Variants in MDGA2 observed in about 807,000 individuals in gnomAD.
MDGA2 encodes the protein MAM domain containing glycosylphosphatidylinositol anchor 2.
MDGA2 carries 40 observed loss-of-function variants against 117.8 expected under a neutral mutation model. The observed-to-expected ratio is 0.34, with a 90% CI of 0.26 to 0.44. The LOEUF (loss-of-function observed/expected upper bound fraction) is 0.44. Among genes scored for constraint, MDGA2 ranks in the 20% least tolerant of loss-of-function variants. The probability of loss-of-function intolerance (pLI) is 1.00; values close to 1 mark genes in which losing one functional copy is unlikely to be tolerated. For missense variants in MDGA2, 1,123 were observed against 1,250.6 expected (o/e 0.90, Z 1.54); for synonymous variants, 452 against 439.0 (o/e 1.03, Z -0.37).
rs1377849396 is a variant in MDGA2 at position 47,119,186 on chromosome 14, C to CG, written c.925+12527_925+12528insC. 5.7e-5 allele frequency among the ~76,000 whole-genome samples: 4 copies of CG among 70,136 alleles called. 1 individual carries two copies. The highest frequency in any genetic ancestry group is 1.4e-4 in the Admixed American group (1 of 7,082). The allele number at this position is 70,136 out of a possible 152,430, so 46.0% of individuals were successfully genotyped here. On this transcript the variant is annotated intron_variant, in intron 5 of 16. Transcript: ENST00000399232. ...CTGCCTCAGCCCCGCCCCCCCCCCC[C>CG]CACCCCGTAGCTGGGACTACAGGCA...
intron 2 of MDGA2, among the ~76,000 whole-genome samples, chr14:47,256,832 G>A (rs1285748521): frequency 1.3e-5 from 2 of 148,212 alleles, no homozygotes; most frequent in African/African-American, 5.0e-5. Context: ...AAGGAAAGAA[G>A]GAAGGAAGGA....
chr14:47,073,559 G>A (rs8008131), intron 6 of MDGA2, among the ~76,000 whole-genome samples: 44,195 of 151,984 alleles, frequency 0.29, 7,383 homozygotes, highest in African/African-American at 0.46. Context: ...TCTGCCAAAG[G>A]TGCACAGATG....
intron 5 of MDGA2, among the ~76,000 whole-genome samples, chr14:47,123,982 GTT>G (rs1881777861): frequency 6.6e-6 from 1 of 152,054 alleles, no homozygotes; most frequent in African/African-American, 2.4e-5. Flanking sequence ...ATGCAAAAGA[GTT>G]ACAGGGAACA....
chr14:47,227,750 T>C (rs987502042), intron 2 of MDGA2, among the ~76,000 whole-genome samples: 4 of 152,118 alleles, frequency 2.6e-5, no homozygotes, highest in Non-Finnish European at 4.4e-5. Flanking sequence ...CACTCCACAA[T>C]GCACCCAAAG....
intron 1 of MDGA2, among the ~76,000 whole-genome samples, chr14:47,456,355 C>T (rs1449266593): frequency 6.8e-6 from 1 of 146,770 alleles, no homozygotes; most frequent in Admixed American, 7.0e-5. Flanking sequence ...TGCAATGGTG[C>T]CATCTCGACT....
rs555657080 is a variant in MDGA2 at position 47,133,107 on chromosome 14, T to TA, written c.793-1262dup. On this transcript the variant is annotated intron_variant, in intron 4 of 16. Transcript: ENST00000399232. ...ACCCCTTTAGCATTTTCCTCAGTGG[T>TA]AAAAAAAAAAAAAACAAACAAACAA... 9.8e-3 allele frequency among the ~76,000 whole-genome samples: 1,334 copies of TA among 135,690 alleles called. 16 individuals carry two copies. Among genetic ancestry groups the TA allele is most frequent in the African/African-American group, 0.023 (861 of 37,654 alleles). The allele number at this position is 135,690 out of a possible 152,430, so 89.0% of individuals were successfully genotyped here. A position where few individuals can be genotyped will look rare whatever the true frequency, so the allele number is the denominator to read the frequency against.
intron 1 of MDGA2, among the ~76,000 whole-genome samples, chr14:47,354,500 C>T (rs1034927540): frequency 1.3e-5 from 2 of 152,122 alleles, no homozygotes; most frequent in African/African-American, 4.8e-5. Flanking sequence ...GTTTATTGTC[C>T]ATTTTTATAC....
intron 1 of MDGA2, among the ~76,000 whole-genome samples, chr14:47,397,804 G>A (rs545370865): frequency 1.3e-5 from 2 of 152,180 alleles, no homozygotes; most frequent in African/African-American, 4.8e-5. Context: ...ATACAAGGAG[G>A]TAACCTTAGG....
intron 1 of MDGA2, among the ~76,000 whole-genome samples, chr14:47,417,499 C>A (rs766288873): frequency 6.6e-6 from 1 of 152,154 alleles, no homozygotes; most frequent in South Asian, 2.1e-4. Flanking sequence ...CTCATATGTT[C>A]TTTGAGTTGA....
chr14:47,521,010 C>T (rs1211015214), intron 1 of MDGA2, among the ~76,000 whole-genome samples: 1 of 152,110 alleles, frequency 6.6e-6, no homozygotes, highest in Non-Finnish European at 1.5e-5. Context: ...GATATTTTGT[C>T]ATTGATTTAA....
At chr14:47,237,322 T>C (rs1295079386) in intron 2 of MDGA2, among the ~76,000 whole-genome samples, 3 of 152,320 alleles carry the variant, frequency 2.0e-5, no homozygotes, top group South Asian at 4.1e-4. Flanking sequence ...GCAACACTTA[T>C]GAGCCGCATT....
chr14:47,623,707 A>T (rs1362436817), intron 1 of MDGA2, among the ~76,000 whole-genome samples: 1 of 152,214 alleles, frequency 6.6e-6, no homozygotes, highest in Admixed American at 6.5e-5. Context: ...AACTGAAAAA[A>T]AAAATATTGA....
chr14:47,639,489 T>A (rs1016511199), intron 1 of MDGA2, among the ~76,000 whole-genome samples: 3 of 152,124 alleles, frequency 2.0e-5, no homozygotes, highest in African/African-American at 4.8e-5. Flanking sequence ...GCTTTTACAG[T>A]TACTCATGGG....
chr14:47,480,030 A>T (rs1893919179), intron 1 of MDGA2, among the ~76,000 whole-genome samples: 1 of 152,006 alleles, frequency 6.6e-6, no homozygotes, highest in Non-Finnish European at 1.5e-5. Flanking sequence ...TTCAAATTTC[A>T]TATGCTAAAC....
chr14:47,108,529 TG>T (rs1880857106), intron 5 of MDGA2, among the ~76,000 whole-genome samples: 1 of 148,418 alleles, frequency 6.7e-6, no homozygotes, highest in South Asian at 2.1e-4. Context: ...TGGCTCATCC[TG>T]GCTCAAAAAG....
intron 1 of MDGA2, among the ~76,000 whole-genome samples, chr14:47,345,590 C>T (rs1408506120): frequency 6.6e-6 from 1 of 151,920 alleles, no homozygotes; most frequent in African/African-American, 2.4e-5. Flanking sequence ...TCCATACCCC[C>T]ACCCCTACTT....
At chr14:47,620,264 A>G (rs1156979156) in intron 1 of MDGA2, among the ~76,000 whole-genome samples, 1 of 152,260 alleles carries the variant, frequency 6.6e-6, no homozygotes. Flanking sequence ...TTTGAATGAC[A>G]GCAATAACTA....
At chr14:46,906,739 C>T (rs1883508205) in intron 10 of MDGA2, among the ~76,000 whole-genome samples, 2 of 152,008 alleles carry the variant, frequency 1.3e-5, no homozygotes, top group South Asian at 2.1e-4. Context: ...GTAATATTCC[C>T]ACAGTCTAGA....
At chr14:47,083,749 A>G (rs1260790643) in intron 6 of MDGA2, among the ~76,000 whole-genome samples, 1 of 152,060 alleles carries the variant, frequency 6.6e-6, no homozygotes, top group African/African-American at 2.4e-5. Context: ...TATATATATC[A>G]TGCAAACAAC....
Sources: allele counts gnomAD v4.1 joint callset (sites outside exome capture counted in the v4.1 genomes callset), GRCh38; gene constraint gnomAD v4.1.1; transcripts MANE v1.5; gene names NCBI Gene and HGNC (gene_info 2026-07-23, HGNC 2026-07-21).